The following PGAP1 variants were observed in gnomAD, a reference collection of about 807,000 sequenced individuals.
The protein encoded by PGAP1 is GPI inositol-deacylase.
In PGAP1, 76 loss-of-function variants were observed where a neutral mutation model predicts 127.0. That is an observed-to-expected ratio of 0.60 (90% CI 0.50 to 0.72). The LOEUF (loss-of-function observed/expected upper bound fraction) is 0.72. PGAP1 is among the 30% of genes least tolerant of loss of function. The pLI is 0.00. For synonymous variants in PGAP1, 362 were observed against 366.5 expected (o/e 0.99, Z 0.14); for missense variants, 982 against 1,071.3 (o/e 0.92, Z 1.16).
intron 10 of PGAP1, among the ~76,000 whole-genome samples, chr2:196,887,995 T>C (rs1701972939): frequency 6.6e-6 from 1 of 152,198 alleles, no homozygotes; most frequent in South Asian, 2.1e-4. Flanking sequence ...TAACCCTCAT[T>C]ATGAAAATTG....
chr2:196,857,028 T>C (rs1700907521), intron 20 of PGAP1, among the ~76,000 whole-genome samples: 1 of 152,190 alleles, frequency 6.6e-6, no homozygotes, highest in Non-Finnish European at 1.5e-5. Flanking sequence ...GGGATTGCCT[T>C]TCTGAAGTCC....
intron 20 of PGAP1, among the ~76,000 whole-genome samples, chr2:196,851,776 T>C (rs901652226): frequency 1.3e-5 from 2 of 152,222 alleles, no homozygotes; most frequent in African/African-American, 4.8e-5. Context: ...GACTTTATTC[T>C]GGATCTGGTA....
intron 2 of PGAP1, among the ~76,000 whole-genome samples, chr2:196,917,979 C>T (rs971701708): frequency 2.6e-5 from 4 of 152,170 alleles, no homozygotes; most frequent in African/African-American, 7.2e-5. Context: ...AATTTCTCCA[C>T]ATCTTCACCA....
At chr2:196,864,942 T>A in intron 20 of PGAP1, 45 bp downstream of exon 20, 2 of 1,087,884 alleles carry the variant, frequency 1.8e-6, no homozygotes, top group Non-Finnish European at 2.6e-6. Context: ...CATTCTACTT[T>A]AATATTCATA....
chr2:196,884,386 T>G (rs1427028230), intron 12 of PGAP1, among the ~76,000 whole-genome samples: 1 of 152,096 alleles, frequency 6.6e-6, no homozygotes, highest in Non-Finnish European at 1.5e-5. Context: ...TGTTCAAGAG[T>G]CAATTTACTT....
intron 5 of PGAP1, among the ~76,000 whole-genome samples, chr2:196,898,940 T>G (rs1013223248): frequency 6.9e-6 from 1 of 145,686 alleles, no homozygotes; most frequent in South Asian, 2.2e-4. Context: ...AAAAAAAAAA[T>G]CCCTAGCTGA....
At chr2:196,902,842 TAA>T (rs1702542457) in intron 4 of PGAP1, 100 bp from the exon 5 acceptor site, 10 of 848,306 alleles carry the variant, frequency 1.2e-5, no homozygotes, top group Non-Finnish European at 1.7e-6. Context: ...AATTTTTGCT[TAA>T]GTCATTTCAT....
At chr2:196,883,206 G>A (rs1416892834) in intron 12 of PGAP1, among the ~76,000 whole-genome samples, 1 of 152,164 alleles carries the variant, frequency 6.6e-6, no homozygotes, top group East Asian at 1.9e-4. Flanking sequence ...TGGGGTGGGA[G>A]TAGTTATATG....
At chr2:196,916,320 C>T in intron 3 of PGAP1, 98 bp downstream of exon 3, 1 of 1,146,614 alleles carries the variant, frequency 8.7e-7, no homozygotes, top group Non-Finnish European at 1.1e-6. Context: ...GCTTCAACTT[C>T]CATATAAACA....
intron 3 of PGAP1, 116 bp downstream of exon 3, chr2:196,916,302 C>G (rs756071550): frequency 2.1e-6 from 2 of 964,136 alleles, no homozygotes; most frequent in Non-Finnish European, 2.8e-6. Flanking sequence ...AAAATTTGTG[C>G]CTTCTCTGCT....
Position 196,895,762 on chromosome 2 carries a change from T to C in PGAP1, c.927+1369A>G, listed in dbSNP as rs148476202. Reference sequence around the variant, plus strand: ...CAGTACACTACAGGGTAAAGGTGCTTTCCTCATTGTTAAGAATTAAGTATT... The same window carrying C: ...CAGTACACTACAGGGTAAAGGTGCTCTCCTCATTGTTAAGAATTAAGTATT... On this transcript the variant is annotated intron_variant, in intron 7 of 26. Transcript: ENST00000354764. Among the ~76,000 whole-genome samples, 101 of 152,268 alleles carry C rather than the reference T, an allele frequency of 6.6e-4. 1 individual carries two copies. The Middle Eastern group carries it at 0.01, about 15-fold the overall frequency.
rs1700382850 is a variant in PGAP1, at chr2:196,840,644, T to C, written c.*590A>G. ...TTGCATTGGTTACCAAGAAAACATA[T>C]CTCCTTACCATTCAAAGCTCTATTT... On this transcript the variant is annotated 3_prime_UTR_variant, in exon 27 of 27. Coordinates refer to ENST00000354764, the MANE Select transcript of PGAP1 (RefSeq NM_024989.4). 1 of 152,050 alleles carries C rather than the reference T, an allele frequency of 6.6e-6. No individual in the cohort carries two copies. The highest frequency in any genetic ancestry group is 2.4e-5 in the African/African-American group (1 of 41,398). 9.4% of individuals were successfully genotyped at this position (152,050 alleles called of 1,614,324 possible). A position where few individuals can be genotyped will look rare whatever the true frequency, so the allele number is the denominator to read the frequency against.
At chr2:196,864,438 C>A (rs1243753696) in intron 20 of PGAP1, among the ~76,000 whole-genome samples, 1 of 145,312 alleles carries the variant, frequency 6.9e-6, no homozygotes, top group Non-Finnish European at 1.5e-5. Flanking sequence ...TATTAGGGCA[C>A]TATTGTTAAT....
At chr2:196,876,453 A>C (rs1701571963) in intron 13 of PGAP1, among the ~76,000 whole-genome samples, 1 of 152,130 alleles carries the variant, frequency 6.6e-6, no homozygotes, top group African/African-American at 2.4e-5. Flanking sequence ...ATAATGTGAC[A>C]CTTGCATCAT....
chr2:196,868,099 T>C (rs1226423177), intron 19 of PGAP1, among the ~76,000 whole-genome samples: 1 of 152,200 alleles, frequency 6.6e-6, no homozygotes, highest in Non-Finnish European at 1.5e-5. Flanking sequence ...GTTATTTTAC[T>C]CCTCCATTAC....
At position 196,841,360 on chromosome 2, in the gene PGAP1, C is replaced by G. The variant is rs776985592; in HGVS notation, c.2643G>C (p.Lys881Asn). Residue 881 changes from lysine (K) to asparagine (N), a missense_variant, in exon 27 of 27, where the codon AAG becomes AAC. Lys to Asn is a moderately conservative substitution (Grantham distance 94). Transcript: ENST00000354764. ...TVSIKSSKLL[K>N]TTSQFPLPLA... is the part of the protein sequence containing the mutation. ...GAGGAAGTGGAAATTGTGAAGTAGT[C>G]TTCAACAATTTACTGTAAAGAGACA... 1.2e-6 allele frequency: 2 copies of G among 1,612,806 alleles called. No homozygotes were observed. The highest frequency in any genetic ancestry group is 1.7e-6 in the Non-Finnish European group (2 of 1,179,346).
rs570247327 is a variant in PGAP1, at chr2:196,911,893, C to T, written c.649+989G>A. 1.9e-4 allele frequency among the ~76,000 whole-genome samples: 29 copies of T among 152,224 alleles called. 1 individual carries two copies. The highest frequency in any genetic ancestry group is 6.8e-3 in the Middle Eastern group (2 of 294). On this transcript the variant is annotated intron_variant, in intron 4 of 26. Coordinates refer to ENST00000354764, the MANE Select transcript of PGAP1 (RefSeq NM_024989.4). ...TCCTGCAAGATTATAGTATTATCTA[C>T]GGTTTTATTTCCTATGTTAATGTAC...
intron 3 of PGAP1, among the ~76,000 whole-genome samples, chr2:196,916,006 T>C (rs548891408): frequency 2.6e-5 from 4 of 152,184 alleles, no homozygotes; most frequent in East Asian, 1.9e-4. Flanking sequence ...CCAGGGATCA[T>C]AGTCCTTTGC....
At chr2:196,870,440 G>A (rs1489537599) in intron 19 of PGAP1, among the ~76,000 whole-genome samples, 1 of 151,944 alleles carries the variant, frequency 6.6e-6, no homozygotes, top group Non-Finnish European at 1.5e-5. Flanking sequence ...AGGACTACAG[G>A]TGTATGCCAG....
Sources: allele counts gnomAD v4.1 joint callset (sites outside exome capture counted in the v4.1 genomes callset), GRCh38; gene constraint gnomAD v4.1.1; transcripts MANE v1.5; gene names NCBI Gene and HGNC (gene_info 2026-07-23, HGNC 2026-07-21).